CNPY1: variants seen among roughly 807,000 people sequenced by gnomAD.
CNPY1 encodes the protein canopy FGF signaling regulator 1, also known as protein canopy homolog 1.
In CNPY1, 14 loss-of-function variants were observed where a neutral mutation model predicts 14.4. The observed-to-expected ratio is 0.97, with a 90% CI of 0.64 to 1.52. The LOEUF (loss-of-function observed/expected upper bound fraction) is 1.52, where lower values mean the gene tolerates loss of function less well. CNPY1 is among the 40% of genes most tolerant of loss of function. CNPY1 has a pLI of 0.00. For synonymous variants in CNPY1, 43 were observed against 46.5 expected, an observed-to-expected ratio of 0.92 and a Z score of 0.31; for missense variants, 129 against 131.5, an observed-to-expected ratio of 0.98 and a Z score of 0.09.
At chr7:155,526,886 A>G (rs1219641822) in intron 2 of CNPY1, among the ~76,000 whole-genome samples, 1 of 152,092 alleles carries the variant, frequency 6.6e-6, no homozygotes, top group African/African-American at 2.4e-5. Context: ...AATCCAATCA[A>G]CAATACCTAA....
Position 155,536,266 on chromosome 7 carries a change from C to A in CNPY1, c.99+9565G>T, listed in dbSNP as rs1797021693. ...GTGGATGACTGATCACCCACTGCAGCAGACAGGTCCTGGGCGGGGCTGGTT... is the reference window on the plus strand; with the variant it reads ...GTGGATGACTGATCACCCACTGCAGAAGACAGGTCCTGGGCGGGGCTGGTT... On this transcript the variant is annotated intron_variant, in intron 2 of 4. Coordinates refer to ENST00000636446, the MANE Select transcript of CNPY1 (RefSeq NM_001393663.1). This position sits in a 1 kb window ranked among gnomAD's most constrained non-coding sequence, Gnocchi z 4.1. 6.6e-6 allele frequency among the ~76,000 whole-genome samples: 1 copy of A among 152,140 alleles called. No individual in the cohort carries two copies. Among genetic ancestry groups the A allele is most frequent in the Non-Finnish European group, 1.5e-5 (1 of 68,032 alleles).
rs1796426896 is a variant in CNPY1, at chr7:155,509,002, C to T, written c.195G>A (p.Thr65=). Residue 65 remains threonine (T), a synonymous_variant, in exon 3 of 5, where the codon ACG becomes ACA. Coordinates refer to ENST00000636446, the MANE Select transcript of CNPY1 (RefSeq NM_001393663.1). ...CGAATCTCTTGAAAGTTCTCTCCTT[C>T]GTCACAGGGTCTTCCTCAAGCTTGT... ...NDYKLEEDPV[T]KERTFKRFAP... 1 of 1,613,750 alleles carries T rather than the reference C, an allele frequency of 6.2e-7. No individual in the cohort carries two copies. The highest frequency in any genetic ancestry group is 1.1e-5 in the South Asian group (1 of 91,052).
intron 2 of CNPY1, among the ~76,000 whole-genome samples, chr7:155,544,993 A>G (rs1241855670): frequency 6.6e-6 from 1 of 151,794 alleles, no homozygotes; most frequent in Non-Finnish European, 1.5e-5. Context: ...CCTGTCTGTG[A>G]CTCTCCTTTC....
chr7:155,514,163 C>A (rs909157041), intron 2 of CNPY1, among the ~76,000 whole-genome samples: 1 of 152,166 alleles, frequency 6.6e-6, no homozygotes, highest in African/African-American at 2.4e-5. Flanking sequence ...GAGCATGATG[C>A]GAATGTGTTC....
At chr7:155,505,994 A>G (rs79358288) in intron 4 of CNPY1, among the ~76,000 whole-genome samples, 12,762 of 152,244 alleles carry the variant, frequency 0.084, 1,756 homozygotes, top group African/African-American at 0.29. Context: ...AAAAACAAAA[A>G]AAACAAAACT....
At chr7:155,504,037 C>T (rs766034157) in intron 4 of CNPY1, among the ~76,000 whole-genome samples, 12 of 152,044 alleles carry the variant, frequency 7.9e-5, no homozygotes, top group Non-Finnish European at 1.6e-4. Flanking sequence ...AACTATATGC[C>T]CCAAGATATT....
Position 155,531,424 on chromosome 7 carries a change from T to C in CNPY1, c.99+14407A>G, listed in dbSNP as rs140890980. On this transcript the variant is annotated intron_variant, in intron 2 of 4. Coordinates refer to ENST00000636446, the MANE Select transcript of CNPY1 (RefSeq NM_001393663.1). ...TTAGGCTAGCCACGACATTTAAGTT[T>C]GAGAGGCTTCGACAACTAATTTAGA... Among the ~76,000 whole-genome samples the C allele has an allele frequency of 3.1e-3, 469 of 152,356 alleles. 3 individuals carry two copies. Among genetic ancestry groups the C allele is most frequent in the African/African-American group, 0.011 (443 of 41,580 alleles).
intron 2 of CNPY1, among the ~76,000 whole-genome samples, chr7:155,519,592 G>A (rs926249354): frequency 3.3e-5 from 5 of 151,414 alleles, no homozygotes; most frequent in Admixed American, 2.6e-4. Context: ...TGGGTGCAAA[G>A]TATAAAGAAC....
chr7:155,518,276 G>C (rs569688306), intron 2 of CNPY1: 2 of 157,842 alleles, frequency 1.3e-5, no homozygotes, highest in African/African-American at 4.8e-5. Context: ...TGCTAGTTTA[G>C]GAAGATGAGG....
chr7:155,519,959 G>A (rs1430988696), intron 2 of CNPY1, among the ~76,000 whole-genome samples: 1 of 152,114 alleles, frequency 6.6e-6, no homozygotes, highest in African/African-American at 2.4e-5. Context: ...GGGACATTTG[G>A]GGTATTGACA....
chr7:155,541,284 G>A (rs879425346), intron 2 of CNPY1, among the ~76,000 whole-genome samples: 7 of 152,222 alleles, frequency 4.6e-5, no homozygotes, highest in Admixed American at 1.3e-4. Context: ...GACGTGGCAC[G>A]TGAATTTCAT....
rs1563089156 is a variant in CNPY1, at chr7:155,515,306, CCCG to C, written c.100-6212_100-6210del. 6.8e-3 allele frequency among the ~76,000 whole-genome samples: 979 copies of C among 144,822 alleles called. 8 individuals carry two copies. Among genetic ancestry groups the C allele is most frequent in the African/African-American group, 0.011 (413 of 38,830 alleles). On this transcript the variant is annotated intron_variant, in intron 2 of 4. Coordinates refer to ENST00000636446, the MANE Select transcript of CNPY1 (RefSeq NM_001393663.1). Reference sequence around the variant, plus strand: ...TGGTCTCAAGGCCGCCCCCCCCCCCCCCGGCCCCGGCCAGGAACTCTTTCACAT... The same window carrying C: ...TGGTCTCAAGGCCGCCCCCCCCCCCCGCCCCGGCCAGGAACTCTTTCACAT...
chr7:155,539,410 C>T (rs1206342822), intron 2 of CNPY1, among the ~76,000 whole-genome samples: 1 of 152,172 alleles, frequency 6.6e-6, no homozygotes, highest in Non-Finnish European at 1.5e-5. Flanking sequence ...TATGCCACTA[C>T]ACGGATTTCA....
intron 2 of CNPY1, among the ~76,000 whole-genome samples, chr7:155,538,593 C>T (rs1040652921): frequency 2.0e-5 from 3 of 152,178 alleles, no homozygotes; most frequent in Non-Finnish European, 4.4e-5. Context: ...GGGACGTCTG[C>T]GAATGCCCCA....
At position 155,517,038 on chromosome 7, in the gene CNPY1, G is replaced by A. The variant is rs187776464; in HGVS notation, c.100-7941C>T. Among the ~76,000 whole-genome samples, 21 of 152,324 alleles carry A rather than the reference G, an allele frequency of 1.4e-4. No individual in the cohort carries two copies. In the East Asian group the frequency reaches 3.9e-3, roughly 28 times the overall value. ...AACTTCTGCAGCAGCTGCTGCATGT[G>A]CCGTGCCCTCCACAAATGACCAAGT... On this transcript the variant is annotated intron_variant, in intron 2 of 4. Transcript: ENST00000636446.
rs56296833 is a variant in CNPY1, at chr7:155,527,054, C to CTTTCTTTCTTTCTTTCTTTCTTTCTTTT, written c.100-17958_100-17957insAAAAGAAAGAAAGAAAGAAAGAAAGAAA. 2.1e-3 allele frequency among the ~76,000 whole-genome samples: 192 copies of CTTTCTTTCTTTCTTTCTTTCTTTCTTTT among 90,330 alleles called. 2 individuals are homozygous for CTTTCTTTCTTTCTTTCTTTCTTTCTTTT. Among genetic ancestry groups the CTTTCTTTCTTTCTTTCTTTCTTTCTTTT allele is most frequent in the African/African-American group, 9.1e-3 (180 of 19,796 alleles). The allele number at this position is 90,330 out of a possible 152,430, so 59.3% of individuals were successfully genotyped here. On this transcript the variant is annotated intron_variant, in intron 2 of 4. Coordinates refer to ENST00000636446, the MANE Select transcript of CNPY1 (RefSeq NM_001393663.1). ...TTTTTCTTTCTTTCTTTCTTTCTTT[C>CTTTCTTTCTTTCTTTCTTTCTTTCTTTT]TTTTTTTTTTTTTTTTTGAGACAGT...
At chr7:155,510,068 T>G (rs1038370031) in intron 2 of CNPY1, among the ~76,000 whole-genome samples, 3 of 152,222 alleles carry the variant, frequency 2.0e-5, no homozygotes, top group Non-Finnish European at 4.4e-5. Context: ...GAAGTTTGCA[T>G]GACAACCGCA....
At chr7:155,543,488 C>T (rs1259950586) in intron 2 of CNPY1, among the ~76,000 whole-genome samples, 1 of 152,196 alleles carries the variant, frequency 6.6e-6, no homozygotes, top group Non-Finnish European at 1.5e-5. Context: ...AAAACAATGC[C>T]ACAGGAATGT....
In CNPY1 at chr7:155,536,743, C is replaced by T. The variant is rs184521334; in HGVS notation, c.99+9088G>A. On this transcript the variant is annotated intron_variant, in intron 2 of 4. Transcript: ENST00000636446. The surrounding 1 kb of genome is among the most constrained non-coding windows in gnomAD (Gnocchi z 4.1). ...CCTGAATGACCAAGTGGAGCAGAGCCCCGTGCCAACCCACACTAGACTACG... is the reference window on the plus strand; with the variant it reads ...CCTGAATGACCAAGTGGAGCAGAGCTCCGTGCCAACCCACACTAGACTACG... Among the ~76,000 whole-genome samples the T allele has an allele frequency of 6.7e-4, 102 of 152,260 alleles. No homozygotes were observed. Among genetic ancestry groups the T allele is most frequent in the African/African-American group, 2.2e-3 (91 of 41,562 alleles).
Sources: gnomAD v4.1 joint callset for allele counts (sites outside exome capture counted in the v4.1 genomes callset) on GRCh38, gnomAD v4.1.1 for gene constraint, Gnocchi (gnomAD v3.1) non-coding constraint, MANE v1.5 for transcripts, NCBI Gene and HGNC (gene_info 2026-07-23, HGNC 2026-07-21) for gene names.